The following WNT3A variants were observed in gnomAD, a reference collection of about 807,000 sequenced individuals.
WNT3A encodes Wnt family member 3A, also known as protein Wnt-3a.
WNT3A carries 17 observed loss-of-function variants against 37.0 expected under a neutral mutation model. The observed-to-expected ratio is 0.46, with a 90% CI of 0.31 to 0.69. WNT3A has a LOEUF of 0.69. Among genes scored for constraint, WNT3A ranks in the 30% least tolerant of loss-of-function variants. WNT3A has a pLI of 0.05. For synonymous variants in WNT3A, 187 were observed against 211.0 expected (o/e 0.89, Z 0.99); for missense variants, 411 against 510.2 (o/e 0.81, Z 1.87).
chr1:228,058,910 C>A (rs1571818934), intron 3 of WNT3A, 76 bp from the exon 4 acceptor site: 1 of 1,401,176 alleles, frequency 7.1e-7, no homozygotes, highest in Non-Finnish European at 9.6e-7. Flanking sequence ...AGGCTGCAGG[C>A]GACATGTAAT....
Position 228,038,730 on chromosome 1 carries a change from C to T in WNT3A, c.314-11926C>T, listed in dbSNP as rs548985435. On this transcript the variant is annotated intron_variant, in intron 2 of 3. Coordinates refer to ENST00000284523, the MANE Select transcript of WNT3A (RefSeq NM_033131.4). This position sits in a 1 kb window ranked among gnomAD's most constrained non-coding sequence, Gnocchi z 5.7. ...GTAATCATACAGGGTGCAGCGTGCA[C>T]GGGGGGCTGTGTTCGCTGTGACCCT... is the stretch of plus-strand genomic sequence containing the variant. Among the ~76,000 whole-genome samples the T allele has an allele frequency of 4.6e-5, 7 of 152,072 alleles. No individual in the cohort carries two copies. The highest frequency in any genetic ancestry group is 3.9e-4 in the East Asian group (2 of 5,180).
At chr1:228,047,219 A>C (rs1161495311) in intron 2 of WNT3A, among the ~76,000 whole-genome samples, 1 of 152,106 alleles carries the variant, frequency 6.6e-6, no homozygotes, top group Non-Finnish European at 1.5e-5. Flanking sequence ...TCCAGGCCTG[A>C]CTTGGACAGG....
chr1:228,027,599 C>T (rs1286061330), intron 2 of WNT3A, among the ~76,000 whole-genome samples: 1 of 152,102 alleles, frequency 6.6e-6, no homozygotes, highest in Non-Finnish European at 1.5e-5. Flanking sequence ...ATTCATGTCC[C>T]TTACCCACTT....
chr1:228,052,848 G>A (rs145035775), intron 3 of WNT3A, among the ~76,000 whole-genome samples: 359 of 152,324 alleles, frequency 2.4e-3, no homozygotes, highest in Non-Finnish European at 2.9e-3. Context: ...GGAGAAATGG[G>A]CTTTTCAATA....
At position 228,031,496 on chromosome 1, in the gene WNT3A, C is replaced by T. The variant is rs889085157; in HGVS notation, c.313+8588C>T. Among the ~76,000 whole-genome samples, 14 of 151,928 alleles carry T rather than the reference C, an allele frequency of 9.2e-5. No homozygotes were observed. The highest frequency in any genetic ancestry group is 3.3e-4 in the Admixed American group (5 of 15,254). ...CGAGCGTGTCCAAGGGTGTGTGTGGCGTGTGATGCATTGTGTGTATGTGAG... is the reference window on the plus strand; with the variant it reads ...CGAGCGTGTCCAAGGGTGTGTGTGGTGTGTGATGCATTGTGTGTATGTGAG... On this transcript the variant is annotated intron_variant, in intron 2 of 3. Coordinates refer to ENST00000284523, the MANE Select transcript of WNT3A (RefSeq NM_033131.4). The surrounding 1 kb of genome is among the most constrained non-coding windows in gnomAD (Gnocchi z 4.8).
At chr1:228,026,266 C>G (rs1006033656) in intron 2 of WNT3A, among the ~76,000 whole-genome samples, 1 of 152,050 alleles carries the variant, frequency 6.6e-6, no homozygotes, top group African/African-American at 2.4e-5. Context: ...GAAACTGCCT[C>G]CTTTCTTCCT....
At chr1:228,024,838 C>T (rs768038056) in intron 2 of WNT3A, among the ~76,000 whole-genome samples, 1 of 152,158 alleles carries the variant, frequency 6.6e-6, no homozygotes, top group Non-Finnish European at 1.5e-5. Context: ...AGGAATCTAA[C>T]CACATTTTTT....
chr1:228,008,863 T>C lies in WNT3A; in HGVS notation c.71+1664T>C, dbSNP rs2030284209. ...TGAGGGTTCCTAGCCTCGGTCCCCA[T>C]CCACCTCATATGCATGTATACCTCC... On this transcript the variant is annotated intron_variant, in intron 1 of 3. Transcript: ENST00000284523. The surrounding 1 kb of genome is among the most constrained non-coding windows in gnomAD (Gnocchi z 4.9). 6.6e-6 allele frequency among the ~76,000 whole-genome samples: 1 copy of C among 152,126 alleles called. No individual in the cohort carries two copies. Among genetic ancestry groups the C allele is most frequent in the Non-Finnish European group, 1.5e-5 (1 of 68,000 alleles).
chr1:228,059,672 G>A lies in WNT3A; in HGVS notation c.*207G>A. The A allele has an allele frequency of 7.4e-7, 1 of 1,359,974 alleles. No individual in the cohort carries two copies. The highest frequency in any genetic ancestry group is 1.9e-5 in the South Asian group (1 of 52,200). The allele number at this position is 1,359,974 out of a possible 1,614,324, so 84.2% of individuals were successfully genotyped here. A position where few individuals can be genotyped will look rare whatever the true frequency, so the allele number is the denominator to read the frequency against. On this transcript the variant is annotated 3_prime_UTR_variant, in exon 4 of 4. Coordinates refer to ENST00000284523, the MANE Select transcript of WNT3A (RefSeq NM_033131.4). ...AGCTAGTGTCTCCTCTCTGGTGGCT[G>A]GGCTGCTCCTGAATGAGGCGGAGCT...
intron 1 of WNT3A, among the ~76,000 whole-genome samples, chr1:228,019,962 A>G (rs922614667): frequency 3.3e-5 from 5 of 152,246 alleles, no homozygotes; most frequent in African/African-American, 4.8e-5. Flanking sequence ...ACGGTGGCTC[A>G]TGCCTATAAT....
intron 1 of WNT3A, among the ~76,000 whole-genome samples, chr1:228,018,028 G>A (rs2030582161): frequency 6.6e-6 from 1 of 152,246 alleles, no homozygotes; most frequent in African/African-American, 2.4e-5. Flanking sequence ...TCCCCAGTTT[G>A]GGCATGAACA....
Position 228,007,280 on chromosome 1 carries a change from G to T in WNT3A, c.71+81G>T. 7.0e-7 allele frequency: 1 copy of T among 1,430,450 alleles called. No individual in the cohort carries two copies. 88.6% of individuals were successfully genotyped at this position (1,430,450 alleles called of 1,614,324 possible). On this transcript the variant is annotated intron_variant, in intron 1 of 3. Coordinates refer to ENST00000284523, the MANE Select transcript of WNT3A (RefSeq NM_033131.4). The surrounding 1 kb of genome is among the most constrained non-coding windows in gnomAD (Gnocchi z 6.0). ...CGGTCCCCTCGGGCAGGGACCCCGC[G>T]GTGGCCCGAGCCCGCGCCCTTCTGC...
rs541678732 is a variant in WNT3A at position 228,029,744 on chromosome 1, C to G, written c.313+6836C>G. ...ATAGTATGAATGCTTGTGCCCACCCCCCCCCCAATTCCTACATTGAAATCC... is the reference window on the plus strand; with the variant it reads ...ATAGTATGAATGCTTGTGCCCACCCGCCCCCCAATTCCTACATTGAAATCC... On this transcript the variant is annotated intron_variant, in intron 2 of 3. Transcript: ENST00000284523. Among the ~76,000 whole-genome samples the G allele has an allele frequency of 3.9e-3, 585 of 151,212 alleles. 1 individual carries two copies. The highest frequency in any genetic ancestry group is 5.8e-3 in the Non-Finnish European group (393 of 67,768).
At chr1:228,034,870 C>A (rs2031097253) in intron 2 of WNT3A, among the ~76,000 whole-genome samples, 1 of 152,136 alleles carries the variant, frequency 6.6e-6, no homozygotes, top group Non-Finnish European at 1.5e-5. Flanking sequence ...GGAGAAACTC[C>A]CTAGGGTATG....
At chr1:228,034,199 T>C (rs1029005220) in intron 2 of WNT3A, among the ~76,000 whole-genome samples, 10 of 152,032 alleles carry the variant, frequency 6.6e-5, no homozygotes, top group African/African-American at 2.4e-4. Flanking sequence ...GAGGCGGAGG[T>C]TGCAATGAGC....
In WNT3A at chr1:228,024,263, G is replaced by C. The variant is rs151202408; in HGVS notation, c.313+1355G>C. Among the ~76,000 whole-genome samples the C allele has an allele frequency of 2.3e-4, 35 of 152,320 alleles. No individual in the cohort carries two copies. In the East Asian group the frequency reaches 6.7e-3, roughly 29 times the overall value. Reference sequence around the variant, plus strand: ...CATCACACTATTTTCCACAGCAGTTGCACCATTTTATATTCCTACCAGTAT... The same window carrying C: ...CATCACACTATTTTCCACAGCAGTTCCACCATTTTATATTCCTACCAGTAT... On this transcript the variant is annotated intron_variant, in intron 2 of 3. Transcript: ENST00000284523.
chr1:228,029,110 A>C (rs979671996), intron 2 of WNT3A, among the ~76,000 whole-genome samples: 3 of 152,216 alleles, frequency 2.0e-5, no homozygotes, highest in Non-Finnish European at 4.4e-5. Context: ...AAACACTACC[A>C]GGCTCTCCTA....
rs1422851624 is a variant in WNT3A, at chr1:228,031,737, C to T, written c.313+8829C>T. Among the ~76,000 whole-genome samples the T allele has an allele frequency of 1.3e-5, 2 of 152,088 alleles. No individual in the cohort carries two copies. The highest frequency in any genetic ancestry group is 2.9e-5 in the Non-Finnish European group (2 of 68,022). ...GCATGCATGTGCATGCCTATGTGTG[C>T]ATGTGATGCAGTTGCTGCCCGCTAG... On this transcript the variant is annotated intron_variant, in intron 2 of 3. Transcript: ENST00000284523. This position sits in a 1 kb window ranked among gnomAD's most constrained non-coding sequence, Gnocchi z 4.8.
At chr1:228,055,158 CAAAAAAAAA>C (rs34263332) in intron 3 of WNT3A, among the ~76,000 whole-genome samples, 2 of 15,764 alleles carry the variant, frequency 1.3e-4, no homozygotes, top group African/African-American at 6.4e-4. Flanking sequence ...AACTCCGTCC[CAAAAAAAAA>C]AAAAAAAAAA....
Sources: allele counts gnomAD v4.1 joint callset (sites outside exome capture counted in the v4.1 genomes callset), GRCh38; gene constraint gnomAD v4.1.1; non-coding constraint Gnocchi (gnomAD v3.1); transcripts MANE v1.5; gene names NCBI Gene and HGNC (gene_info 2026-07-23, HGNC 2026-07-21).